The following TUBE1 variants were observed in gnomAD, a reference collection of about 807,000 sequenced individuals.
TUBE1 encodes tubulin epsilon chain.
Under a neutral mutation model 53.5 loss-of-function variants are expected in TUBE1, and 34 were observed. The ratio of observed to expected loss-of-function variants is 0.64; its 90% confidence interval spans 0.48 to 0.85. The LOEUF (loss-of-function observed/expected upper bound fraction) is 0.85. TUBE1 is among the 40% of genes least tolerant of loss of function. TUBE1 has a pLI of 0.00. For missense variants in TUBE1, 532 were observed against 570.5 expected (o/e 0.93, Z 0.69); for synonymous variants, 177 against 198.4 (o/e 0.89, Z 0.91).
chr6:112,086,236 T>C (rs1554317302), intron 3 of TUBE1, among the ~76,000 whole-genome samples: 3 of 152,202 alleles, frequency 2.0e-5, no homozygotes, highest in Non-Finnish European at 4.4e-5. Flanking sequence ...AGCATATATG[T>C]AAACAATATA....
rs782071549 is a variant in TUBE1 at position 112,071,366 on chromosome 6, G to A, written c.*46C>T. On this transcript the variant is annotated 3_prime_UTR_variant, in exon 12 of 12. Coordinates refer to ENST00000368662, the MANE Select transcript of TUBE1 (RefSeq NM_016262.5). ...CAAAAATGTTGAAACAGAAAGGTCA[G>A]AAAAAACAATGTGAAATTAAGAAAG... 7.0e-7 allele frequency: 1 copy of A among 1,433,886 alleles called. No homozygotes were observed. The highest frequency in any genetic ancestry group is 1.8e-5 in the South Asian group (1 of 56,890). The allele number at this position is 1,433,886 out of a possible 1,614,324, so 88.8% of individuals were successfully genotyped here.
chr6:112,086,696 A>ATTAAAAT, intron 2 of TUBE1, 88 bp from the exon 3 acceptor site: 1 of 804,540 alleles, frequency 1.2e-6, no homozygotes, highest in Non-Finnish European at 2.0e-6. Flanking sequence ...TAATACTGTA[A>ATTAAAAT]TGGCTAGGAT....
chr6:112,072,150 A>T, intron 10 of TUBE1, 74 bp from the exon 11 acceptor site: 1 of 1,144,686 alleles, frequency 8.7e-7, no homozygotes, highest in Non-Finnish European at 1.2e-6. Context: ...ATGGCAGCTC[A>T]TATTAGTTAA....
At chr6:112,085,541 A>G (rs1194874254) in intron 3 of TUBE1, 1 of 384,956 alleles carries the variant, frequency 2.6e-6, no homozygotes, top group Non-Finnish European at 5.2e-6. Context: ...GTATGACAGA[A>G]GCAAATTTGA....
rs376790986 is a variant in TUBE1 at position 112,081,357 on chromosome 6, TAAA to T, written c.211-153_211-151del. ...TTTACGTAGAATCTGTTGTAAAAAT[TAAA>T]AAAGAATTTCACTCTGTTTGAAAGG... On this transcript the variant is annotated intron_variant, in intron 4 of 11. Transcript: ENST00000368662. 2.9e-3 allele frequency: 1,235 copies of T among 430,834 alleles called. 12 individuals are homozygous for T. The highest frequency in any genetic ancestry group is 0.022 in the African/African-American group (1,076 of 49,098). The allele number at this position is 430,834 out of a possible 1,614,324, so 26.7% of individuals were successfully genotyped here.
intron 10 of TUBE1, among the ~76,000 whole-genome samples, chr6:112,072,385 T>G (rs918278813): frequency 6.6e-6 from 1 of 152,134 alleles, no homozygotes; most frequent in Non-Finnish European, 1.5e-5. Flanking sequence ...TTTTCCTTAC[T>G]TTGTAATTCA....
chr6:112,081,312 G>T (rs948387129), intron 4 of TUBE1, 105 bp from the exon 5 acceptor site: 6 of 473,532 alleles, frequency 1.3e-5, no homozygotes, highest in Non-Finnish European at 2.2e-5. Flanking sequence ...TCTCTTTATA[G>T]TTTAAGCTTA....
At chr6:112,083,485 A>AT (rs1777103072) in intron 4 of TUBE1, among the ~76,000 whole-genome samples, 2 of 151,586 alleles carry the variant, frequency 1.3e-5, no homozygotes, top group East Asian at 1.9e-4. Flanking sequence ...CGCCCAGCTA[A>AT]TTTTTTGTAT....
In TUBE1 at chr6:112,076,438, C is replaced by T. The variant is rs782205648; in HGVS notation, c.520G>A (p.Val174Met). 1.2e-6 allele frequency: 2 copies of T among 1,613,550 alleles called. No homozygotes were observed. Among genetic ancestry groups the T allele is most frequent in the East Asian group, 2.2e-5 (1 of 44,836 alleles). The change falls in exon 7 of 12, where the codon GTG (valine) becomes ATG (methionine). Residue 174 changes from valine (V) to methionine (M), a missense_variant. Transcript: ENST00000368662. ...TCACCAGAAGGATAAATGGAAGTCA[C>T]AAATCTGTATACTTCTGGGAATTCG... Reference protein sequence around the residue: ...EDEFPEVYRFVTSIYPSGEDD... With the variant: ...EDEFPEVYRFMTSIYPSGEDD...
At chr6:112,079,527 G>C in intron 6 of TUBE1, 106 bp downstream of exon 6, 1 of 1,188,514 alleles carries the variant, frequency 8.4e-7, no homozygotes, top group Non-Finnish European at 1.2e-6. Context: ...CCTCCGAATA[G>C]TTCTATCTTT....
rs1408895924 is a variant in TUBE1, at chr6:112,072,805, C to G, written c.1047G>C (p.Met349Ile). ...CTGAAATTTGTACATTTCCTCTAAC[C>G]ATGAGTGCACAGGCGAGGTAAAGAC... ...KHSLYLACAL[M>I]VRGNVQISDL... Residue 349 changes from methionine (M) to isoleucine (I), a missense_variant, in exon 10 of 12, where the codon ATG becomes ATC. Physicochemically the swap from Met to Ile is conservative, Grantham distance 10. Coordinates refer to ENST00000368662, the MANE Select transcript of TUBE1 (RefSeq NM_016262.5). 3 of 1,613,420 alleles carry G rather than the reference C, an allele frequency of 1.9e-6. No homozygotes were observed. The highest frequency in any genetic ancestry group is 2.5e-6 in the Non-Finnish European group (3 of 1,179,654).
chr6:112,087,413 G>A lies in TUBE1; in HGVS notation c.22C>T (p.Gln8Ter). The part of the protein sequence containing the change: MTQSVVV[Q>*]VGQCGNQIGC... The stretch of plus-strand genomic sequence containing the variant: ...CTACCCGCCCGGCGTAGCTTACCCT[G>A]TACGACCACCGACTGGGTCATGGTG... The change falls in exon 1 of 12, where the codon CAG becomes TAG. Residue 8 changes from glutamine to a stop codon, truncating the protein, a stop_gained. Coordinates refer to ENST00000368662, the MANE Select transcript of TUBE1 (RefSeq NM_016262.5). LOFTEE classifies it high-confidence loss of function. The A allele has an allele frequency of 6.4e-7, 1 of 1,551,132 alleles. No individual in the cohort carries two copies. Among genetic ancestry groups the A allele is most frequent in the African/African-American group, 1.4e-5 (1 of 73,062 alleles).
chr6:112,075,398 AT>A (rs1554315904), intron 8 of TUBE1: 1 of 152,338 alleles, frequency 6.6e-6, no homozygotes, highest in Non-Finnish European at 1.5e-5. Context: ...TCAATATACT[AT>A]TATAGTTGCT....
intron 4 of TUBE1, among the ~76,000 whole-genome samples, chr6:112,083,588 G>A (rs1777104790): frequency 6.6e-6 from 1 of 152,146 alleles, no homozygotes; most frequent in Non-Finnish European, 1.5e-5. Context: ...AAAGTGCTGG[G>A]ATTACAGGCG....
At chr6:112,083,098 T>C (rs1314351820) in intron 4 of TUBE1, among the ~76,000 whole-genome samples, 3 of 152,084 alleles carry the variant, frequency 2.0e-5, no homozygotes, top group Non-Finnish European at 2.9e-5. Context: ...TTCTCTAAGA[T>C]TTGGATTGGG....
rs1202788624 is a variant in TUBE1 at position 112,087,279 on chromosome 6, C to T, written c.53G>A (p.Cys18Tyr). 1 of 1,552,388 alleles carries T rather than the reference C, an allele frequency of 6.4e-7. No homozygotes were observed. Among genetic ancestry groups the T allele is most frequent in the Non-Finnish European group, 8.7e-7 (1 of 1,147,366 alleles). Residue 18 changes from cysteine (C) to tyrosine (Y), a missense_variant, in exon 2 of 12, where the codon TGC (cysteine) becomes TAC (tyrosine). Cys to Tyr is a radical substitution (Grantham distance 194, BLOSUM62 -2). Transcript: ENST00000368662. ...CCTTAGTGCCAGGTCCCAGAAGCAG[C>T]AGCCGATCTGGTTTCCGCACTGGCC... is the stretch of plus-strand genomic sequence containing the variant. ...QVGQCGNQIG[C>Y]CFWDLALREH... is the part of the protein sequence containing the mutation.
intron 3 of TUBE1, among the ~76,000 whole-genome samples, chr6:112,086,129 A>T (rs1777151733): frequency 6.6e-6 from 1 of 152,268 alleles, no homozygotes; most frequent in Non-Finnish European, 1.5e-5. Context: ...ACTCTTCCAG[A>T]TAAAACATAT....
intron 6 of TUBE1, chr6:112,077,463 A>G (rs1204132061): frequency 7.2e-6 from 1 of 138,586 alleles, no homozygotes; most frequent in African/African-American, 2.9e-5. Flanking sequence ...TAATGAACAG[A>G]TTAGTACTGT....
chr6:112,075,311 T>A (rs1168889689), intron 8 of TUBE1: 1 of 152,388 alleles, frequency 6.6e-6, no homozygotes, highest in African/African-American at 2.4e-5. Context: ...CTTGGCCTCC[T>A]AATGTGCTGA....
Sources: gnomAD v4.1 joint callset for allele counts (sites outside exome capture counted in the v4.1 genomes callset) on GRCh38, gnomAD v4.1.1 for gene constraint, MANE v1.5 for transcripts, NCBI Gene and HGNC (gene_info 2026-07-23, HGNC 2026-07-21) for gene names.